SGCZ: variants seen among roughly 807,000 people sequenced by gnomAD.
SGCZ encodes sarcoglycan zeta.
In SGCZ, 40 loss-of-function variants were observed where a neutral mutation model predicts 41.3. The observed-to-expected ratio is 0.97, with a 90% CI of 0.75 to 1.26. The LOEUF (loss-of-function observed/expected upper bound fraction) is 1.26. SGCZ is among the 50% of genes most tolerant of loss of function. The probability of loss-of-function intolerance (pLI) is 0.00; values close to 1 mark genes in which losing one functional copy is unlikely to be tolerated. For missense variants in SGCZ, 552 were observed against 369.8 expected (o/e 1.49, Z -4.04); for synonymous variants, 206 against 137.5 (o/e 1.50, Z -3.49).
intron 1 of SGCZ, among the ~76,000 whole-genome samples, chr8:14,751,629 T>G (rs60548624): frequency 0.011 from 1,602 of 152,218 alleles, 18 homozygotes; most frequent in African/African-American, 0.036. Flanking sequence ...AGAGGCTGGT[T>G]TTAATACGGG....
chr8:14,991,536 G>T (rs182562654), intron 1 of SGCZ, among the ~76,000 whole-genome samples: 1 of 152,066 alleles, frequency 6.6e-6, no homozygotes, highest in Non-Finnish European at 1.5e-5. Flanking sequence ...ATCTGGCCAC[G>T]TGATGCTTTC....
chr8:15,218,544 G>A (rs1801491816), intron 1 of SGCZ, among the ~76,000 whole-genome samples: 1 of 152,274 alleles, frequency 6.6e-6, no homozygotes, highest in African/African-American at 2.4e-5. Flanking sequence ...ATACATCCAT[G>A]CAAAGACCAA....
At chr8:14,909,407 AC>A (rs1463124066) in intron 1 of SGCZ, among the ~76,000 whole-genome samples, 1 of 152,052 alleles carries the variant, frequency 6.6e-6, no homozygotes, top group African/African-American at 2.4e-5. Flanking sequence ...TAACGTTACA[AC>A]GTATTTCTCT....
At chr8:14,326,254 TTA>T (rs1311819778) in intron 2 of SGCZ, among the ~76,000 whole-genome samples, 2 of 151,884 alleles carry the variant, frequency 1.3e-5, no homozygotes, top group Non-Finnish European at 2.9e-5. Context: ...AAAATATCTT[TTA>T]TGTGTTCAGG....
intron 2 of SGCZ, among the ~76,000 whole-genome samples, chr8:14,358,750 A>G (rs149292769): frequency 0.026 from 3,987 of 152,110 alleles, 147 homozygotes; most frequent in African/African-American, 0.09. Flanking sequence ...AGCTGGGATT[A>G]CAGGCATGTG....
chr8:14,825,149 T>G (rs572462440), intron 1 of SGCZ, among the ~76,000 whole-genome samples: 1 of 152,278 alleles, frequency 6.6e-6, no homozygotes, highest in South Asian at 2.1e-4. Flanking sequence ...AAATTGATAT[T>G]TCATGGAGCG....
At chr8:14,839,874 A>G (rs868502059) in intron 1 of SGCZ, among the ~76,000 whole-genome samples, 1 of 152,210 alleles carries the variant, frequency 6.6e-6, no homozygotes, top group African/African-American at 2.4e-5. Flanking sequence ...AGGATTGAAA[A>G]GGATCAATGT....
intron 1 of SGCZ, among the ~76,000 whole-genome samples, chr8:15,090,588 C>T (rs1303332267): frequency 2.6e-5 from 4 of 152,184 alleles, no homozygotes; most frequent in Non-Finnish European, 5.9e-5. Flanking sequence ...AACCTATGCT[C>T]TCATGTTAGT....
intron 1 of SGCZ, among the ~76,000 whole-genome samples, chr8:14,869,430 A>T (rs778263868): frequency 6.6e-6 from 1 of 152,166 alleles, no homozygotes; most frequent in Non-Finnish European, 1.5e-5. Context: ...GCATTGATGG[A>T]ACATATCTCA....
At chr8:14,484,821 A>C (rs1801630220) in intron 2 of SGCZ, among the ~76,000 whole-genome samples, 1 of 152,230 alleles carries the variant, frequency 6.6e-6, no homozygotes. Flanking sequence ...CATAGAGATC[A>C]TTTAGCTCTA....
At chr8:14,540,237 T>A in intron 2 of SGCZ, among the ~76,000 whole-genome samples, 1 of 148,490 alleles carries the variant, frequency 6.7e-6, no homozygotes, top group South Asian at 2.1e-4. Context: ...TTTTTTTTTT[T>A]TTTTTTTTTT....
intron 2 of SGCZ, among the ~76,000 whole-genome samples, chr8:14,451,847 C>T (rs1447260340): frequency 3.3e-5 from 5 of 152,180 alleles, no homozygotes; most frequent in East Asian, 1.9e-4. Context: ...CTGGTGAAGA[C>T]ATGGAACAAC....
At chr8:14,151,969 T>A (rs778431815) in intron 5 of SGCZ, among the ~76,000 whole-genome samples, 1 of 151,970 alleles carries the variant, frequency 6.6e-6, no homozygotes. Context: ...ATGTAAAATA[T>A]AAAACTATAA....
intron 5 of SGCZ, among the ~76,000 whole-genome samples, chr8:14,112,285 G>GT (rs1028065119): frequency 1.9e-5 from 2 of 105,632 alleles, no homozygotes; most frequent in Admixed American, 1.8e-4. Context: ...TTTTTTTGTG[G>GT]GGGGGGGGTG....
At chr8:15,107,227 T>C (rs1473516346) in intron 1 of SGCZ, among the ~76,000 whole-genome samples, 1 of 152,232 alleles carries the variant, frequency 6.6e-6, no homozygotes, top group Admixed American at 6.5e-5. Context: ...TAGAACTCTT[T>C]TGTTCTCAAA....
At chr8:14,958,751 T>C (rs948223918) in intron 1 of SGCZ, among the ~76,000 whole-genome samples, 7 of 152,150 alleles carry the variant, frequency 4.6e-5, no homozygotes, top group East Asian at 3.9e-4. Flanking sequence ...AATATTGAAC[T>C]CTATGATGTT....
chr8:15,062,340 T>C lies in SGCZ; in HGVS notation c.39+175245A>G, dbSNP rs1804967516. On this transcript the variant is annotated intron_variant, in intron 1 of 7. Transcript: ENST00000382080. ...AATAAAGCCTCTTCTTCTATTAAAA[T>C]AATATCATATACTTTTTAAAATTAA... Among the ~76,000 whole-genome samples the C allele has an allele frequency of 2.0e-5, 3 of 152,158 alleles. No individual in the cohort carries two copies. In the South Asian group the frequency reaches 6.2e-4, roughly 32 times the overall value.
chr8:15,143,549 A>C (rs1798955707), intron 1 of SGCZ, among the ~76,000 whole-genome samples: 1 of 152,208 alleles, frequency 6.6e-6, no homozygotes, highest in Non-Finnish European at 1.5e-5. Context: ...AGTACCATTT[A>C]GGTTTTATTT....
rs190752819 is a variant in SGCZ at position 14,354,057 on chromosome 8, G to A, written c.235-29853C>T. Among the ~76,000 whole-genome samples the A allele has an allele frequency of 1.1e-4, 16 of 152,086 alleles. No individual in the cohort carries two copies. The East Asian group carries it at 2.9e-3, about 28-fold the overall frequency. The stretch of plus-strand genomic sequence containing the variant: ...TCCTATTTCATTTTCAGTTATTAAT[G>A]TAGACATCACTATTCCACTAAGTAT... On this transcript the variant is annotated intron_variant, in intron 2 of 7. Coordinates refer to ENST00000382080, the MANE Select transcript of SGCZ (RefSeq NM_139167.4).
Sources: gnomAD v4.1 joint callset for allele counts (sites outside exome capture counted in the v4.1 genomes callset) on GRCh38, gnomAD v4.1.1 for gene constraint, MANE v1.5 for transcripts, NCBI Gene and HGNC (gene_info 2026-07-23, HGNC 2026-07-21) for gene names.